CAMK1D: variants seen among roughly 807,000 people sequenced by gnomAD.
The protein encoded by CAMK1D is calcium/calmodulin-dependent protein kinase type 1D.
Under a neutral mutation model 47.7 loss-of-function variants are expected in CAMK1D, and 9 were observed. That is an observed-to-expected ratio of 0.19 (90% CI 0.11 to 0.33). CAMK1D has a LOEUF of 0.33. Ranked by LOEUF, CAMK1D falls within the 10% of genes least tolerant of loss-of-function variation. CAMK1D has a pLI of 1.00. For synonymous variants in CAMK1D, 184 were observed against 184.9 expected (o/e 0.99, Z 0.04); for missense variants, 291 against 488.7 (o/e 0.60, Z 3.81).
chr10:12,426,479 C>G (rs1231294696), intron 1 of CAMK1D, among the ~76,000 whole-genome samples: 1 of 152,160 alleles, frequency 6.6e-6, no homozygotes, highest in African/African-American at 2.4e-5. Flanking sequence ...CTCCCGACCT[C>G]AGCTGATTGC....
chr10:12,567,300 T>G (rs1239831997), intron 2 of CAMK1D, among the ~76,000 whole-genome samples: 1 of 152,226 alleles, frequency 6.6e-6, no homozygotes, highest in Non-Finnish European at 1.5e-5. Flanking sequence ...TTGCTTTCTC[T>G]GTAGCTTTCC....
At chr10:12,679,723 ATC>A (rs1379837963) in intron 3 of CAMK1D, among the ~76,000 whole-genome samples, 1 of 152,028 alleles carries the variant, frequency 6.6e-6, no homozygotes, top group Non-Finnish European at 1.5e-5. Context: ...GTCATCTAGA[ATC>A]TCTCTTTTCT....
intron 1 of CAMK1D, among the ~76,000 whole-genome samples, chr10:12,368,915 T>G (rs1193344794): frequency 6.6e-6 from 1 of 152,082 alleles, no homozygotes; most frequent in Admixed American, 6.6e-5. Flanking sequence ...TCTCCTGAGT[T>G]CAAGCGATTC....
intron 1 of CAMK1D, among the ~76,000 whole-genome samples, chr10:12,508,137 C>A (rs1312489718): frequency 6.6e-6 from 1 of 152,198 alleles, no homozygotes; most frequent in South Asian, 2.1e-4. Flanking sequence ...TGCCTGTTCT[C>A]AGGGAGAAAT....
chr10:12,792,948 A>G (rs1420057619), intron 6 of CAMK1D, among the ~76,000 whole-genome samples: 2 of 134,056 alleles, frequency 1.5e-5, no homozygotes, highest in East Asian at 4.5e-4. Flanking sequence ...TAATAAAATC[A>G]CATGTGTGCG....
At chr10:12,654,762 A>G (rs1036240943) in intron 2 of CAMK1D, among the ~76,000 whole-genome samples, 28 of 152,334 alleles carry the variant, frequency 1.8e-4, no homozygotes, top group Middle Eastern at 3.4e-3. Context: ...CAGCCTAGAT[A>G]AATTTAAAAT....
At chr10:12,599,854 G>C (rs929080274) in intron 2 of CAMK1D, among the ~76,000 whole-genome samples, 1 of 152,218 alleles carries the variant, frequency 6.6e-6, no homozygotes, top group Non-Finnish European at 1.5e-5. Context: ...ATCAGCTAGA[G>C]GATTGTTAAA....
At position 12,825,695 on chromosome 10, in the gene CAMK1D, G is replaced by A. The variant is rs780496268; in HGVS notation, c.1039+5G>A. The A allele has an allele frequency of 5.6e-6, 9 of 1,614,246 alleles. No homozygotes were observed. The highest frequency in any genetic ancestry group is 2.2e-5 in the East Asian group (1 of 44,892). On this transcript the variant is annotated splice_donor_5th_base_variant and intron_variant, in intron 10 of 10. Coordinates refer to ENST00000619168, the MANE Select transcript of CAMK1D (RefSeq NM_153498.4). Reference sequence around the variant, plus strand: ...GTTTGGCCAGCCAAAAAGACTGTGCGTATGTAGCAAAACCAGAATCCCTCA... The same window carrying A: ...GTTTGGCCAGCCAAAAAGACTGTGCATATGTAGCAAAACCAGAATCCCTCA...
At chr10:12,425,466 G>C (rs1840199641) in intron 1 of CAMK1D, among the ~76,000 whole-genome samples, 1 of 152,026 alleles carries the variant, frequency 6.6e-6, no homozygotes, top group Admixed American at 6.6e-5. Context: ...ATTTTTAGTA[G>C]AGACGGGGTT....
intron 10 of CAMK1D, 151 bp from the exon 11 acceptor site, chr10:12,828,618 T>C: frequency 1.6e-6 from 1 of 622,216 alleles, no homozygotes; most frequent in Non-Finnish European, 2.8e-6. Flanking sequence ...TCCAGCCTGG[T>C]GAAAAGAGTG....
intron 2 of CAMK1D, among the ~76,000 whole-genome samples, chr10:12,640,093 T>C (rs947729589): frequency 2.0e-5 from 3 of 152,216 alleles, no homozygotes; most frequent in Admixed American, 2.0e-4. Flanking sequence ...TTCTGCAGAA[T>C]AGCTCCTTCC....
At chr10:12,714,081 A>G (rs1165967380) in intron 3 of CAMK1D, among the ~76,000 whole-genome samples, 1 of 152,246 alleles carries the variant, frequency 6.6e-6, no homozygotes, top group African/African-American at 2.4e-5. Context: ...CATCCCTGCC[A>G]CAGCCCATGG....
At chr10:12,473,028 G>C (rs774019511) in intron 1 of CAMK1D, among the ~76,000 whole-genome samples, 1 of 152,184 alleles carries the variant, frequency 6.6e-6, no homozygotes, top group African/African-American at 2.4e-5. Context: ...GCGTATGCCT[G>C]ACCGGAAGTC....
At chr10:12,446,026 G>GTTCATTTCT (rs1360974198) in intron 1 of CAMK1D, among the ~76,000 whole-genome samples, 1 of 152,162 alleles carries the variant, frequency 6.6e-6, no homozygotes, top group Non-Finnish European at 1.5e-5. Flanking sequence ...AGATAGTACT[G>GTTCATTTCT]TTCATTTCTT....
At chr10:12,804,371 T>C (rs776715437) in intron 6 of CAMK1D, among the ~76,000 whole-genome samples, 1 of 152,096 alleles carries the variant, frequency 6.6e-6, no homozygotes, top group Non-Finnish European at 1.5e-5. Flanking sequence ...CCCAGCACTT[T>C]GGGAGGCAGA....
chr10:12,816,175 A>C, intron 7 of CAMK1D, 75 bp from the exon 8 acceptor site: 1 of 1,210,066 alleles, frequency 8.3e-7, no homozygotes, highest in South Asian at 1.3e-5. Context: ...GCTCCTCCTG[A>C]AGACCTGGTG....
chr10:12,467,892 T>G (rs1032648753), intron 1 of CAMK1D, among the ~76,000 whole-genome samples: 2 of 152,194 alleles, frequency 1.3e-5, no homozygotes, highest in Non-Finnish European at 2.9e-5. Flanking sequence ...AATTGTAGAT[T>G]TGCATGAAGT....
chr10:12,549,910 C>CA (rs1475063014), intron 1 of CAMK1D, among the ~76,000 whole-genome samples: 2 of 152,210 alleles, frequency 1.3e-5, no homozygotes, highest in Non-Finnish European at 2.9e-5. Context: ...AGTCCTGCGG[C>CA]AACCTCGCTT....
At chr10:12,550,487 T>C (rs1339074527) in intron 1 of CAMK1D, among the ~76,000 whole-genome samples, 2 of 152,104 alleles carry the variant, frequency 1.3e-5, no homozygotes, top group East Asian at 3.9e-4. Flanking sequence ...TGAGGAGGGA[T>C]GGTGCGTGGG....
Sources: allele counts gnomAD v4.1 joint callset (sites outside exome capture counted in the v4.1 genomes callset), GRCh38; gene constraint gnomAD v4.1.1; transcripts MANE v1.5; gene names NCBI Gene and HGNC (gene_info 2026-07-23, HGNC 2026-07-21).